Variants in KDM4C observed in about 807,000 individuals in gnomAD.
KDM4C encodes the protein lysine-specific demethylase 4C.
KDM4C carries 81 observed loss-of-function variants against 129.3 expected under a neutral mutation model. The ratio of observed to expected loss-of-function variants is 0.63; its 90% CI spans 0.52 to 0.75. KDM4C has a LOEUF of 0.75. Ranked by LOEUF, KDM4C falls within the 30% of genes least tolerant of loss-of-function variation. KDM4C has a pLI of 0.00. For missense variants in KDM4C, 1,457 were observed against 1,304.0 expected, an observed-to-expected ratio of 1.12 and a Z score of -1.81; for synonymous variants, 573 against 456.1, an observed-to-expected ratio of 1.26 and a Z score of -3.26.
intron 15 of KDM4C, among the ~76,000 whole-genome samples, chr9:7,037,986 CTGTT>C (rs1827940599): frequency 6.6e-6 from 1 of 151,960 alleles, no homozygotes; most frequent in African/African-American, 2.4e-5. Flanking sequence ...TGAGCACAGA[CTGTT>C]TGATTTTATT....
At position 6,969,273 on chromosome 9, in the gene KDM4C, T is replaced by A. The variant is rs948246445; in HGVS notation, c.922-11652T>A. ...TACTATTTTGATATTTATTTCTTAA[T>A]GCTATAGAGCCAGAATTGCATTTTT... On this transcript the variant is annotated intron_variant, in intron 8 of 21. Coordinates refer to ENST00000381309, the MANE Select transcript of KDM4C (RefSeq NM_015061.6). Among the ~76,000 whole-genome samples, 3 of 152,350 alleles carry A rather than the reference T, an allele frequency of 2.0e-5. No individual in the cohort carries two copies. The East Asian group carries it at 5.8e-4, about 29-fold the overall frequency.
At chr9:6,819,917 C>G (rs142911299) in intron 4 of KDM4C, among the ~76,000 whole-genome samples, 1 of 151,826 alleles carries the variant, frequency 6.6e-6, no homozygotes, top group African/African-American at 2.4e-5. Flanking sequence ...TATTTTGAAA[C>G]GAATTATAGA....
chr9:6,983,573 G>GACACACACACACACAC (rs56086219), intron 9 of KDM4C, among the ~76,000 whole-genome samples: 5,216 of 142,590 alleles, frequency 0.037, 126 homozygotes, highest in African/African-American at 0.044. Context: ...GTGTCTTTAT[G>GACACACACACACACAC]ACACACACAC....
At chr9:6,825,901 C>T (rs1484890457) in intron 4 of KDM4C, among the ~76,000 whole-genome samples, 1 of 152,200 alleles carries the variant, frequency 6.6e-6, no homozygotes, top group Non-Finnish European at 1.5e-5. Context: ...GCCTCCACCT[C>T]CCAGGCTCAG....
chr9:7,006,948 T>C (rs1821782806), intron 12 of KDM4C, among the ~76,000 whole-genome samples: 1 of 152,244 alleles, frequency 6.6e-6, no homozygotes, highest in Non-Finnish European at 1.5e-5. Context: ...AAATAAATTT[T>C]TATTTTTATT....
rs1296356523 is a variant in KDM4C, at chr9:6,984,178, T to C, written c.1128T>C (p.Ala376=). The change falls in exon 10 of 22, where the codon GCT becomes GCC. Residue 376 remains alanine, a synonymous_variant. Coordinates refer to ENST00000381309, the MANE Select transcript of KDM4C (RefSeq NM_015061.6). ...CTCTTGTTGACAGCTTCCAGTGTGC[T>C]AGGTCTACCTCTAAAAGGCCTAAGG... ...VRKASRSFQC[A]RSTSKRPKAD... 1 of 1,612,950 alleles carries C rather than the reference T, an allele frequency of 6.2e-7. No homozygotes were observed. Among genetic ancestry groups the C allele is most frequent in the Non-Finnish European group, 8.5e-7 (1 of 1,179,184 alleles).
chr9:6,758,263 C>T lies in KDM4C; in HGVS notation c.-18+60C>T, dbSNP rs1488896199. 5.3e-6 allele frequency: 5 copies of T among 939,936 alleles called. No individual in the cohort carries two copies. The South Asian group carries it at 2.5e-4, about 46-fold the overall frequency. 58.2% of individuals were successfully genotyped at this position (939,936 alleles called of 1,614,324 possible). A position where few individuals can be genotyped will look rare whatever the true frequency, so the allele number is the denominator to read the frequency against. The stretch of plus-strand genomic sequence containing the variant: ...GGGGGAGGGTCCGGAGAGGTCTTCC[C>T]GGCACTGCCCCCCTCCGCGTGGGGC... On this transcript the variant is annotated intron_variant, in intron 1 of 21. Coordinates refer to ENST00000381309, the MANE Select transcript of KDM4C (RefSeq NM_015061.6). The surrounding 1 kb of genome is among the most constrained non-coding windows in gnomAD (Gnocchi z 4.6).
At chr9:6,848,622 T>G (rs1838284152) in intron 4 of KDM4C, among the ~76,000 whole-genome samples, 1 of 151,960 alleles carries the variant, frequency 6.6e-6, no homozygotes, top group South Asian at 2.1e-4. Flanking sequence ...TGAGCTGAGA[T>G]TGCACCACTG....
At chr9:6,990,380 A>G (rs1240401661) in intron 11 of KDM4C, 36 bp from the exon 12 acceptor site, 7 of 1,304,626 alleles carry the variant, frequency 5.4e-6, no homozygotes, top group Admixed American at 3.5e-5. Context: ...TGTTTTTGAT[A>G]ATGGTATTTC....
chr9:6,838,300 C>G (rs1038918418), intron 4 of KDM4C, among the ~76,000 whole-genome samples: 3 of 152,172 alleles, frequency 2.0e-5, no homozygotes. Flanking sequence ...ATTATTTGCG[C>G]TATCTCTCTG....
chr9:6,875,912 A>C (rs144692052), intron 5 of KDM4C, among the ~76,000 whole-genome samples: 1 of 152,326 alleles, frequency 6.6e-6, no homozygotes, highest in East Asian at 1.9e-4. Flanking sequence ...TTATAAAGGA[A>C]AATTTTGGGA....
chr9:7,165,612 A>T (rs904041427), intron 20 of KDM4C, among the ~76,000 whole-genome samples: 1 of 152,256 alleles, frequency 6.6e-6, no homozygotes, highest in African/African-American at 2.4e-5. Context: ...TGCCAGAAAG[A>T]TAAGTGACTA....
Position 6,742,215 on chromosome 9 carries a change from C to T in KDM4C, c.49+21218C>T, listed in dbSNP as rs578033651. Among the ~76,000 whole-genome samples, 18 of 152,090 alleles carry T rather than the reference C, an allele frequency of 1.2e-4. No homozygotes were observed. In the South Asian group the frequency reaches 3.5e-3, roughly 30 times the overall value. On this transcript the variant is annotated intron_variant, in intron 1 of 17. Transcript: ENST00000536108. ...CTTTTTAGTAGAGATGGGGTTTCAC[C>T]AAGTTAGTCAGGCTGGTCTCGAACT...
chr9:7,011,850 A>G lies in KDM4C; in HGVS notation c.1939A>G (p.Ile647Val), dbSNP rs745721173. 17 of 1,613,848 alleles carry G rather than the reference A, an allele frequency of 1.1e-5. No homozygotes were observed. The African/African-American group carries it at 1.5e-4, about 14-fold the overall frequency. The part of the protein sequence containing the change: ...TVARMKPHCA[I>V]CTLLMPYHKP... ...GGCCAGGATGAAGCCACACTGTGCCATCTGCACTCTGCTCATGCCGTACCA... is the reference window on the plus strand; with the variant it reads ...GGCCAGGATGAAGCCACACTGTGCCGTCTGCACTCTGCTCATGCCGTACCA... Residue 647 changes from isoleucine (I) to valine (V), a missense_variant, in exon 13 of 22, where the codon ATC becomes GTC. By Grantham distance (29) the Ile-to-Val change is conservative (BLOSUM62 3). Coordinates refer to ENST00000381309, the MANE Select transcript of KDM4C (RefSeq NM_015061.6).
chr9:7,028,040 C>G (rs546800965), intron 15 of KDM4C, among the ~76,000 whole-genome samples: 2 of 152,184 alleles, frequency 1.3e-5, no homozygotes, highest in African/African-American at 4.8e-5. Context: ...GAGCCAAGGC[C>G]TGGAATTGAG....
intron 17 of KDM4C, among the ~76,000 whole-genome samples, chr9:7,077,485 C>A (rs1368133111): frequency 6.6e-6 from 1 of 152,210 alleles, no homozygotes; most frequent in Non-Finnish European, 1.5e-5. Context: ...GTCTAGTAAT[C>A]TTCCAACAAC....
At chr9:6,887,543 C>G (rs1218457101) in intron 6 of KDM4C, among the ~76,000 whole-genome samples, 1 of 152,168 alleles carries the variant, frequency 6.6e-6, no homozygotes, top group South Asian at 2.1e-4. Flanking sequence ...ATGAGTGCTT[C>G]AGGAATGCAT....
chr9:6,898,363 A>G (rs752536492), intron 8 of KDM4C, among the ~76,000 whole-genome samples: 1 of 152,232 alleles, frequency 6.6e-6, no homozygotes, highest in East Asian at 1.9e-4. Context: ...CGTCTGAAGC[A>G]GTGTATTTAT....
At chr9:7,028,383 A>C (rs968995548) in intron 15 of KDM4C, among the ~76,000 whole-genome samples, 4 of 151,876 alleles carry the variant, frequency 2.6e-5, no homozygotes, top group Non-Finnish European at 5.9e-5. Flanking sequence ...AGAAATGTCC[A>C]GGAGCTAGGC....
Sources: allele counts gnomAD v4.1 joint callset (sites outside exome capture counted in the v4.1 genomes callset), GRCh38; gene constraint gnomAD v4.1.1; non-coding constraint Gnocchi (gnomAD v3.1); transcripts MANE v1.5; gene names NCBI Gene and HGNC (gene_info 2026-07-23, HGNC 2026-07-21).